The following ICA1 variants were observed in gnomAD, a reference collection of about 807,000 sequenced individuals.
ICA1 encodes islet cell autoantigen 1, also known as 69 kDa islet cell autoantigen.
Under a neutral mutation model 71.0 loss-of-function variants are expected in ICA1, and 40 were observed. The observed-to-expected ratio is 0.56, with a 90% CI of 0.44 to 0.73. ICA1 has a LOEUF of 0.73. Ranked by LOEUF, ICA1 falls within the 30% of genes least tolerant of loss-of-function variation. ICA1 has a pLI of 0.00. For missense variants in ICA1, 578 were observed against 576.5 expected, an observed-to-expected ratio of 1.00 and a Z score of -0.03; for synonymous variants, 207 against 209.5, an observed-to-expected ratio of 0.99 and a Z score of 0.10.
intron 4 of ICA1, among the ~76,000 whole-genome samples, chr7:8,225,904 A>G (rs1416928146): frequency 6.6e-6 from 1 of 152,158 alleles, no homozygotes; most frequent in East Asian, 1.9e-4. Flanking sequence ...CCATATTCCT[A>G]TAAGAAACAA....
At chr7:8,253,543 C>T (rs1325273295) in intron 1 of ICA1, among the ~76,000 whole-genome samples, 1 of 152,042 alleles carries the variant, frequency 6.6e-6, no homozygotes, top group Non-Finnish European at 1.5e-5. Context: ...TGGGTTTGGA[C>T]TGCATAGGTC....
chr7:8,188,755 A>G (rs1467254022), intron 6 of ICA1, among the ~76,000 whole-genome samples: 1 of 152,194 alleles, frequency 6.6e-6, no homozygotes, highest in Non-Finnish European at 1.5e-5. Flanking sequence ...CAAGGAGAGC[A>G]AGAGAGAACC....
At chr7:8,208,573 G>T (rs898917810) in intron 6 of ICA1, among the ~76,000 whole-genome samples, 3 of 152,114 alleles carry the variant, frequency 2.0e-5, no homozygotes, top group African/African-American at 7.2e-5. Flanking sequence ...CGACTAGCTG[G>T]GAAAGATGAT....
chr7:8,242,928 C>T (rs1804511075), intron 1 of ICA1, among the ~76,000 whole-genome samples: 2 of 152,120 alleles, frequency 1.3e-5, no homozygotes, highest in Non-Finnish European at 2.9e-5. Context: ...TAATTAATAG[C>T]CTACCAACCA....
chr7:8,202,186 T>A (rs1035237588), intron 6 of ICA1, among the ~76,000 whole-genome samples: 1 of 152,238 alleles, frequency 6.6e-6, no homozygotes, highest in Non-Finnish European at 1.5e-5. Flanking sequence ...GAAGACCCCA[T>A]CATGCTGCTC....
At chr7:8,157,024 A>T (rs1179056631) in intron 8 of ICA1, 92 bp downstream of exon 8, 1 of 1,608,838 alleles carries the variant, frequency 6.2e-7, no homozygotes, top group South Asian at 1.1e-5. Context: ...GAGTCCTGGA[A>T]TAATGATGCT....
At position 8,223,674 on chromosome 7, in the gene ICA1, C is replaced by G. The variant is rs1459167334; in HGVS notation, c.257-2276G>C. 6.6e-6 allele frequency: 1 copy of G among 152,614 alleles called. No individual in the cohort carries two copies. Among genetic ancestry groups the G allele is most frequent in the African/African-American group, 2.4e-5 (1 of 41,422 alleles). 9.5% of individuals were successfully genotyped at this position (152,614 alleles called of 1,614,324 possible). On this transcript the variant is annotated intron_variant, in intron 4 of 13. Transcript: ENST00000402384. The surrounding 1 kb of genome is among the most constrained non-coding windows in gnomAD (Gnocchi z 4.1). Reference sequence around the variant, plus strand: ...GAGTGTGGTGGTTCACACCTGCAGTCCCAGCACTTTTGGGAGGTAGAGGCA... The same window carrying G: ...GAGTGTGGTGGTTCACACCTGCAGTGCCAGCACTTTTGGGAGGTAGAGGCA...
chr7:8,210,515 A>G (rs546972847), intron 6 of ICA1, among the ~76,000 whole-genome samples: 8 of 152,336 alleles, frequency 5.3e-5, no homozygotes, highest in Admixed American at 5.2e-4. Flanking sequence ...GTGAAAGTAC[A>G]TCCAGTAGGA....
At chr7:8,162,736 C>G (rs1223034879) in intron 6 of ICA1, among the ~76,000 whole-genome samples, 1 of 152,118 alleles carries the variant, frequency 6.6e-6, no homozygotes, top group East Asian at 1.9e-4. Context: ...CCCCATCTAT[C>G]TTCTCTTATT....
intron 12 of ICA1, 38 bp from the exon 13 acceptor site, chr7:8,128,180 G>C: frequency 6.3e-7 from 1 of 1,599,174 alleles, no homozygotes; most frequent in East Asian, 2.2e-5. Context: ...TCACCACGGA[G>C]GGCTCAAGCC....
chr7:8,145,365 A>G (rs1194414483), intron 8 of ICA1, among the ~76,000 whole-genome samples: 1 of 152,034 alleles, frequency 6.6e-6, no homozygotes, highest in Non-Finnish European at 1.5e-5. Flanking sequence ...CCCATGTGCT[A>G]GTTTCTTCCT....
rs375341251 is a variant in ICA1, at chr7:8,226,420, CT to C, written c.256+2180del. Among the ~76,000 whole-genome samples, 323 of 152,196 alleles carry C rather than the reference CT, an allele frequency of 2.1e-3. 2 individuals are homozygous for C. Among genetic ancestry groups the C allele is most frequent in the South Asian group, 9.8e-3 (47 of 4,820 alleles). On this transcript the variant is annotated intron_variant, in intron 4 of 13. Coordinates refer to ENST00000402384, the MANE Select transcript of ICA1 (RefSeq NM_001136020.3). The surrounding 1 kb of genome is among the most constrained non-coding windows in gnomAD (Gnocchi z 4.4). ...AATACACACACTCTCCATATATTAC[CT>C]TTTTTTACATTTATATTTTATATCA... is the stretch of plus-strand genomic sequence containing the variant.
chr7:8,141,447 C>A (rs992332310), intron 10 of ICA1, among the ~76,000 whole-genome samples: 2 of 152,246 alleles, frequency 1.3e-5, no homozygotes, highest in African/African-American at 4.8e-5. Context: ...AGGGTCACAG[C>A]AGAAATCTTA....
chr7:8,122,013 G>T (rs961050189), intron 13 of ICA1, among the ~76,000 whole-genome samples: 4 of 152,176 alleles, frequency 2.6e-5, no homozygotes, highest in Non-Finnish European at 4.4e-5. Context: ...CTGCTGGGGA[G>T]GGGGGACTCA....
At chr7:8,125,761 C>A (rs1788931281) in intron 13 of ICA1, among the ~76,000 whole-genome samples, 1 of 152,224 alleles carries the variant, frequency 6.6e-6, no homozygotes, top group Non-Finnish European at 1.5e-5. Context: ...GAATGAGAGA[C>A]TTGCTAAAGT....
chr7:8,244,306 G>A (rs1805108160), intron 1 of ICA1, among the ~76,000 whole-genome samples: 2 of 152,162 alleles, frequency 1.3e-5, no homozygotes, highest in African/African-American at 4.8e-5. Context: ...AAGAAATGGG[G>A]AAAGGATTCC....
intron 9 of ICA1, 69 bp downstream of exon 9, chr7:8,143,806 G>T (rs1050966302): frequency 1.0e-6 from 1 of 982,610 alleles, no homozygotes; most frequent in Non-Finnish European, 1.6e-6. Flanking sequence ...AGCCAGGTTC[G>T]GTCAGCGAGA....
In ICA1 at chr7:8,113,737, C is replaced by A. The variant is rs1783867322; in HGVS notation, c.*186G>T. On this transcript the variant is annotated 3_prime_UTR_variant, in exon 14 of 14. Coordinates refer to ENST00000402384, the MANE Select transcript of ICA1 (RefSeq NM_001136020.3). The surrounding 1 kb of genome is among the most constrained non-coding windows in gnomAD (Gnocchi z 4.2). ...TATTATTTAGATCCACATAGAGATACACGAAAACCCTTTATACCAAATAAG... is the reference window on the plus strand; with the variant it reads ...TATTATTTAGATCCACATAGAGATAAACGAAAACCCTTTATACCAAATAAG... 8.3e-6 allele frequency: 5 copies of A among 598,898 alleles called. No homozygotes were observed. Among genetic ancestry groups the A allele is most frequent in the Non-Finnish European group, 1.4e-5 (5 of 350,056 alleles). The allele number at this position is 598,898 out of a possible 1,614,324, so 37.1% of individuals were successfully genotyped here. A position where few individuals can be genotyped will look rare whatever the true frequency, so the allele number is the denominator to read the frequency against.
At chr7:8,155,537 T>C (rs1459888398) in intron 8 of ICA1, among the ~76,000 whole-genome samples, 4 of 152,144 alleles carry the variant, frequency 2.6e-5, no homozygotes, top group African/African-American at 9.7e-5. Context: ...AACTCATGCC[T>C]GAAGTTCTTC....
Sources: allele counts gnomAD v4.1 joint callset (sites outside exome capture counted in the v4.1 genomes callset), GRCh38; gene constraint gnomAD v4.1.1; non-coding constraint Gnocchi (gnomAD v3.1); transcripts MANE v1.5; gene names NCBI Gene and HGNC (gene_info 2026-07-23, HGNC 2026-07-21).